Variants in SRGAP2B observed in about 807,000 individuals in gnomAD.
SRGAP2B encodes the protein SLIT-ROBO Rho GTPase-activating protein 2B.
A neutral mutation model predicts 22.2 loss-of-function variants in SRGAP2B; 9 were observed. That is an observed-to-expected ratio of 0.41 (90% confidence interval 0.24 to 0.71). The LOEUF (loss-of-function observed/expected upper bound fraction) is 0.71. Among genes scored for constraint, SRGAP2B ranks in the 30% least tolerant of loss-of-function variants. The pLI is 0.35. For missense variants in SRGAP2B, 114 were observed against 235.8 expected, an observed-to-expected ratio of 0.48 and a Z score of 3.38; for synonymous variants, 36 against 87.4, an observed-to-expected ratio of 0.41 and a Z score of 3.28.
At chr1:144,957,824 T>C (rs587760905) in intron 3 of SRGAP2B, among the ~76,000 whole-genome samples, 1 of 147,446 alleles carries the variant, frequency 6.8e-6, no homozygotes, top group African/African-American at 2.6e-5. Context: ...TCAAGTGGTG[T>C]CTCTCGGCAA....
intron 4 of SRGAP2B, among the ~76,000 whole-genome samples, chr1:144,931,290 G>A (rs1558758413): frequency 6.7e-6 from 1 of 149,536 alleles, no homozygotes; most frequent in African/African-American, 2.5e-5. Context: ...ATTTGTCCAT[G>A]AGAACAACTA....
At chr1:145,008,783 C>T (rs1671794553) in intron 2 of SRGAP2B, among the ~76,000 whole-genome samples, 1 of 118,780 alleles carries the variant, frequency 8.4e-6, no homozygotes, top group Non-Finnish European at 1.7e-5. Context: ...CACCACAAGG[C>T]AATGTTGTTA....
At chr1:144,992,830 CTACTA>C (rs1360800425) in intron 3 of SRGAP2B, among the ~76,000 whole-genome samples, 1 of 147,808 alleles carries the variant, frequency 6.8e-6, no homozygotes, top group Non-Finnish European at 1.5e-5. Context: ...TAGTGAGCAT[CTACTA>C]TACACCACAT....
At chr1:144,939,364 C>T (rs1363578006) in intron 4 of SRGAP2B, among the ~76,000 whole-genome samples, 1 of 150,550 alleles carries the variant, frequency 6.6e-6, no homozygotes, top group East Asian at 1.9e-4. Context: ...ATAACATCGG[C>T]CCAATTCTTT....
chr1:144,959,155 C>T (rs1337515221), intron 3 of SRGAP2B, among the ~76,000 whole-genome samples: 2 of 149,964 alleles, frequency 1.3e-5, no homozygotes, highest in African/African-American at 5.0e-5. Flanking sequence ...CCATAGAAGG[C>T]TCAAGGGCCT....
chr1:145,081,500 A>C (rs1553634716), intron 2 of SRGAP2B, among the ~76,000 whole-genome samples: 1 of 149,282 alleles, frequency 6.7e-6, no homozygotes, highest in East Asian at 2.0e-4. Flanking sequence ...ACTTTCCCTT[A>C]GGATCATTCT....
chr1:145,044,650 TAAAAAAAAAAAAAAAAAAAAAAAAAAA>T (rs1184404731), intron 2 of SRGAP2B, among the ~76,000 whole-genome samples: 3,248 of 29,156 alleles, frequency 0.11, 23 homozygotes, highest in Admixed American at 0.18. Context: ...AACCCCCTCC[TAAAAAAAAAAAAAAAAAAAAAAAAAAA>T]AAAAAAAAAA....
intron 4 of SRGAP2B, among the ~76,000 whole-genome samples, chr1:144,951,606 G>A (rs491790): frequency 6.6e-6 from 1 of 150,458 alleles, no homozygotes; most frequent in East Asian, 1.9e-4. Context: ...TGCTTAACAC[G>A]ATACCTGGCA....
At chr1:144,909,548 C>G (rs1158115469) in intron 5 of SRGAP2B, among the ~76,000 whole-genome samples, 2 of 145,580 alleles carry the variant, frequency 1.4e-5, no homozygotes, top group Non-Finnish European at 3.0e-5. Context: ...GATCACGCCA[C>G]TGCACTCCAG....
intron 4 of SRGAP2B, among the ~76,000 whole-genome samples, chr1:144,934,202 C>T (rs1411939817): frequency 6.7e-6 from 1 of 150,280 alleles, no homozygotes; most frequent in East Asian, 2.0e-4. Flanking sequence ...GTCAAGAGTT[C>T]GAGACTAGCC....
At position 144,931,256 on chromosome 1, in the gene SRGAP2B, G is replaced by A. The variant is rs4845020; in HGVS notation, c.424-16502C>T. Among the ~76,000 whole-genome samples, 190 of 149,962 alleles carry A rather than the reference G, an allele frequency of 1.3e-3. 3 individuals carry two copies. Among genetic ancestry groups the A allele is most frequent in the Admixed American group, 3.2e-3 (48 of 15,122 alleles). ...CAAAAAGCACTTAGTACTTACAGACGCTAAAGCTTAGAGAGGTCAAAAAAT... is the reference window on the plus strand; with the variant it reads ...CAAAAAGCACTTAGTACTTACAGACACTAAAGCTTAGAGAGGTCAAAAAAT... On this transcript the variant is annotated intron_variant, in intron 4 of 9. Transcript: ENST00000612199.
At chr1:145,044,643 C>T (rs1416074847) in intron 2 of SRGAP2B, among the ~76,000 whole-genome samples, 3 of 85,906 alleles carry the variant, frequency 3.5e-5, no homozygotes, top group East Asian at 8.8e-4. Context: ...ATATTTGAAC[C>T]CCCTCCTAAA....
At chr1:144,905,014 T>C in intron 7 of SRGAP2B, 77 bp downstream of exon 7, 3 of 695,144 alleles carry the variant, frequency 4.3e-6, no homozygotes, top group Admixed American at 2.1e-5. Flanking sequence ...TCCTGAACAA[T>C]AGTATCAGGG....
intron 2 of SRGAP2B, among the ~76,000 whole-genome samples, chr1:145,076,023 C>G (rs1553633980): frequency 6.7e-6 from 1 of 150,174 alleles, no homozygotes; most frequent in Non-Finnish European, 1.5e-5. Flanking sequence ...ATACAACCAC[C>G]CTGGGATGTA....
intron 4 of SRGAP2B, among the ~76,000 whole-genome samples, chr1:144,921,209 C>T (rs1664226981): frequency 8.4e-6 from 1 of 118,672 alleles, no homozygotes; most frequent in African/African-American, 3.6e-5. Flanking sequence ...CTGTCCCAGC[C>T]AAGAGGTTTC....
intron 2 of SRGAP2B, among the ~76,000 whole-genome samples, chr1:144,999,216 G>T (rs1553619151): frequency 1.3e-5 from 2 of 150,474 alleles, no homozygotes; most frequent in African/African-American, 2.5e-5. Flanking sequence ...AGATGGTGGG[G>T]TCCTTGCCAG....
At chr1:144,905,789 G>A in intron 6 of SRGAP2B, 70 bp downstream of exon 6, 1 of 708,558 alleles carries the variant, frequency 1.4e-6, no homozygotes, top group Non-Finnish European at 2.6e-6. Flanking sequence ...GTGACTGTTG[G>A]GAAATTCCTA....
chr1:144,992,501 C>T (rs1417181496), intron 3 of SRGAP2B, among the ~76,000 whole-genome samples: 1 of 146,370 alleles, frequency 6.8e-6, no homozygotes, highest in African/African-American at 2.6e-5. Context: ...AATGATTCCT[C>T]CCCTAAGTCT....
In SRGAP2B at chr1:144,955,430, T is replaced by A. The variant is rs781785442; in HGVS notation, c.423+9A>T. ...ACCCAAGAACCTCTGTGAAGAAATA[T>A]CTCTGTACCTTTTTAAAGAGTCTTC... On this transcript the variant is annotated intron_variant, in intron 4 of 9. Transcript: ENST00000612199. 3.1e-6 allele frequency: 5 copies of A among 1,600,130 alleles called. No individual in the cohort carries two copies. The highest frequency in any genetic ancestry group is 4.3e-6 in the Non-Finnish European group (5 of 1,173,024).
Sources: gnomAD v4.1 joint callset for allele counts (sites outside exome capture counted in the v4.1 genomes callset) on GRCh38, gnomAD v4.1.1 for gene constraint, MANE v1.5 for transcripts, NCBI Gene and HGNC (gene_info 2026-07-23, HGNC 2026-07-21) for gene names.